PIP4K2B: variants seen among roughly 807,000 people sequenced by gnomAD.
The protein encoded by PIP4K2B is phosphatidylinositol 5-phosphate 4-kinase type-2 beta.
A neutral mutation model predicts 42.0 loss-of-function variants in PIP4K2B; 3 were observed. That is an observed-to-expected ratio of 0.07 (90% CI 0.03 to 0.18). PIP4K2B has a LOEUF of 0.18. Among genes scored for constraint, PIP4K2B ranks in the 10% least tolerant of loss-of-function variants. The pLI is 1.00. For missense variants in PIP4K2B, 332 were observed against 562.3 expected, an observed-to-expected ratio of 0.59 and a Z score of 4.14; for synonymous variants, 204 against 210.1, an observed-to-expected ratio of 0.97 and a Z score of 0.25.
intron 5 of PIP4K2B, 142 bp from the exon 6 acceptor site, chr17:38,778,514 T>C (rs1909495657): frequency 2.6e-6 from 2 of 783,030 alleles, no homozygotes; most frequent in South Asian, 2.7e-5. Context: ...GTTCATTTAC[T>C]GTGTCAAGCC....
chr17:38,791,284 TACAA>T (rs1358517439), intron 1 of PIP4K2B, among the ~76,000 whole-genome samples: 1 of 152,062 alleles, frequency 6.6e-6, no homozygotes, highest in African/African-American at 2.4e-5. Flanking sequence ...TAGGAGAATC[TACAA>T]GATCATGCTA....
intron 7 of PIP4K2B, 60 bp from the exon 8 acceptor site, chr17:38,771,332 G>A (rs1190210066): frequency 3.8e-6 from 6 of 1,583,894 alleles, no homozygotes; most frequent in Non-Finnish European, 5.2e-6. Flanking sequence ...ACATCCCAGT[G>A]ACATCCAGAA....
At chr17:38,778,671 T>C (rs907601619) in intron 5 of PIP4K2B, among the ~76,000 whole-genome samples, 4 of 150,974 alleles carry the variant, frequency 2.6e-5, no homozygotes, top group African/African-American at 9.7e-5. Context: ...CATTAGTTCA[T>C]TCACTACCAC....
At chr17:38,775,160 A>C (rs548221102) in intron 7 of PIP4K2B, among the ~76,000 whole-genome samples, 1 of 152,126 alleles carries the variant, frequency 6.6e-6, no homozygotes, top group East Asian at 2.0e-4. Flanking sequence ...TCACCGTGTT[A>C]GCCAGGATGG....
chr17:38,783,470 C>T (rs1176617354), intron 3 of PIP4K2B, among the ~76,000 whole-genome samples: 1 of 152,184 alleles, frequency 6.6e-6, no homozygotes, highest in Non-Finnish European at 1.5e-5. Context: ...ACTCCCACCA[C>T]CAGGATAGGG....
Position 38,799,315 on chromosome 17 carries a change from C to G in PIP4K2B, c.110G>C (p.Arg37Pro), listed in dbSNP as rs1910829050. ...GACGCTGAGGATCGGCTCGCTGGCC[C>G]GGAATAGCTTCACTTTCTGGCACAC... ...HFVCQKVKLF[R>P]ASEPILSVLM... Residue 37 changes from arginine to proline, a missense_variant, in exon 1 of 10, where the codon CGG (arginine) becomes CCG (proline). Physicochemically the swap from Arg to Pro is moderately radical, Grantham distance 103. Transcript: ENST00000619039. The surrounding 1 kb of genome is among the most constrained non-coding windows in gnomAD (Gnocchi z 4.4). 6.2e-7 allele frequency: 1 copy of G among 1,607,850 alleles called. No homozygotes were observed. Among genetic ancestry groups the G allele is most frequent in the Non-Finnish European group, 8.5e-7 (1 of 1,177,624 alleles).
intron 4 of PIP4K2B, among the ~76,000 whole-genome samples, chr17:38,780,201 G>A (rs2143390386): frequency 6.6e-6 from 1 of 152,346 alleles, no homozygotes; most frequent in South Asian, 2.1e-4. Flanking sequence ...AAGAAACGGG[G>A]CGGATGCCAG....
intron 7 of PIP4K2B, among the ~76,000 whole-genome samples, chr17:38,774,572 T>C (rs907366336): frequency 1.3e-5 from 2 of 151,830 alleles, no homozygotes; most frequent in Non-Finnish European, 2.9e-5. Context: ...ATCAAGACCA[T>C]CCTGGCTAAC....
Position 38,799,153 on chromosome 17 carries a change from T to C in PIP4K2B, c.159+113A>G, listed in dbSNP as rs1038280448. The stretch of plus-strand genomic sequence containing the variant: ...GGGTGGGGTGGGCGTGCAAGTGGCT[T>C]GGCGAGGGGTGGCAGGCGTCACCGG... On this transcript the variant is annotated intron_variant, in intron 1 of 9. Coordinates refer to ENST00000619039, the MANE Select transcript of PIP4K2B (RefSeq NM_003559.5). The surrounding 1 kb of genome is among the most constrained non-coding windows in gnomAD (Gnocchi z 4.4). The C allele has an allele frequency of 2.6e-5, 30 of 1,163,228 alleles. No homozygotes were observed. The highest frequency in any genetic ancestry group is 3.3e-5 in the Non-Finnish European group (29 of 870,728). 72.1% of individuals were successfully genotyped at this position (1,163,228 alleles called of 1,614,324 possible).
At position 38,771,240 on chromosome 17, in the gene PIP4K2B, G is replaced by C; in HGVS notation, c.840C>G (p.Ser280Arg). Residue 280 changes from serine (S) to arginine (R), a missense_variant, in exon 8 of 10, where the codon AGC becomes AGG. Around this residue, in one of 6 missense-constraint regions of PIP4K2B, gnomAD observed 15 missense variants for 45.2 expected, o/e 0.33. Transcript: ENST00000619039. ...CCACGTCGTGGATGCCCACCAGCAG[G>C]CTGTAGTCCATGATCTTCAGCTGTG... ...FLAQLKIMDY[S>R]LLVGIHDVDR... 1 of 1,614,150 alleles carries C rather than the reference G, an allele frequency of 6.2e-7. No individual in the cohort carries two copies. Among genetic ancestry groups the C allele is most frequent in the Non-Finnish European group, 8.5e-7 (1 of 1,180,030 alleles).
At chr17:38,779,307 TG>T (rs1483000336) in intron 5 of PIP4K2B, 75 bp downstream of exon 5, 1 of 1,380,164 alleles carries the variant, frequency 7.2e-7, no homozygotes, top group African/African-American at 1.4e-5. Context: ...CCCAATTACA[TG>T]GAAGTTGGAG....
chr17:38,799,156 C>T lies in PIP4K2B; in HGVS notation c.159+110G>A. ...TGGGGTGGGCGTGCAAGTGGCTTGG[C>T]GAGGGGTGGCAGGCGTCACCGGCAG... On this transcript the variant is annotated intron_variant, in intron 1 of 9. Coordinates refer to ENST00000619039, the MANE Select transcript of PIP4K2B (RefSeq NM_003559.5). This position sits in a 1 kb window ranked among gnomAD's most constrained non-coding sequence, Gnocchi z 4.4. 1 of 1,194,878 alleles carries T rather than the reference C, an allele frequency of 8.4e-7. No homozygotes were observed. The allele number at this position is 1,194,878 out of a possible 1,614,324, so 74.0% of individuals were successfully genotyped here.
In PIP4K2B at chr17:38,786,709, G is replaced by A. The variant is rs1056169093; in HGVS notation, c.257+114C>T. 5 of 747,608 alleles carry A rather than the reference G, an allele frequency of 6.7e-6. No homozygotes were observed. The African/African-American group carries it at 6.9e-5, about 10-fold the overall frequency. 46.3% of individuals were successfully genotyped at this position (747,608 alleles called of 1,614,324 possible). A position where few individuals can be genotyped will look rare whatever the true frequency, so the allele number is the denominator to read the frequency against. ...TCCGCTCTGAGATCCAGGTGCTGCTGTCACACCCTGCCAGGTGCTGCCTTG... is the reference window on the plus strand; with the variant it reads ...TCCGCTCTGAGATCCAGGTGCTGCTATCACACCCTGCCAGGTGCTGCCTTG... On this transcript the variant is annotated intron_variant, in intron 2 of 9. Coordinates refer to ENST00000619039, the MANE Select transcript of PIP4K2B (RefSeq NM_003559.5).
Position 38,767,524 on chromosome 17 carries a change from C to T in PIP4K2B, c.*2167G>A, listed in dbSNP as rs1908765898. On this transcript the variant is annotated 3_prime_UTR_variant, in exon 10 of 10. Coordinates refer to ENST00000619039, the MANE Select transcript of PIP4K2B (RefSeq NM_003559.5). ...GTAAACAATATACAAAACACACAAA[C>T]ATACACACACACACACAAACTCAAT... is the stretch of plus-strand genomic sequence containing the variant. 1 of 152,258 alleles carries T rather than the reference C, an allele frequency of 6.6e-6. No homozygotes were observed. Among genetic ancestry groups the T allele is most frequent in the Non-Finnish European group, 1.5e-5 (1 of 68,032 alleles). 9.4% of individuals were successfully genotyped at this position (152,258 alleles called of 1,614,324 possible).
rs1255066461 is a variant in PIP4K2B at position 38,790,939 on chromosome 17, T to C, written c.160-4019A>G. 2.6e-5 allele frequency among the ~76,000 whole-genome samples: 4 copies of C among 152,306 alleles called. No individual in the cohort carries two copies. In the South Asian group the frequency reaches 6.2e-4, roughly 24 times the overall value. On this transcript the variant is annotated intron_variant, in intron 1 of 9. Coordinates refer to ENST00000619039, the MANE Select transcript of PIP4K2B (RefSeq NM_003559.5). ...CCCAGAGAGTTCTATTCCATTTCAATTGAACTGTTCCTATTGAAATATCTG... is the reference window on the plus strand; with the variant it reads ...CCCAGAGAGTTCTATTCCATTTCAACTGAACTGTTCCTATTGAAATATCTG...
In PIP4K2B at chr17:38,799,525, C is replaced by A; in HGVS notation, c.-101G>T. On this transcript the variant is annotated 5_prime_UTR_variant, in exon 1 of 10. Coordinates refer to ENST00000619039, the MANE Select transcript of PIP4K2B (RefSeq NM_003559.5). This position sits in a 1 kb window ranked among gnomAD's most constrained non-coding sequence, Gnocchi z 4.4. ...CCCGGACCGATCCCCACCCCCGCTC[C>A]CTCACCGCGCCATGGTCGCGCCCGT... 7.5e-7 allele frequency: 1 copy of A among 1,336,880 alleles called. No individual in the cohort carries two copies. The allele number at this position is 1,336,880 out of a possible 1,614,324, so 82.8% of individuals were successfully genotyped here. A position where few individuals can be genotyped will look rare whatever the true frequency, so the allele number is the denominator to read the frequency against.
intron 1 of PIP4K2B, among the ~76,000 whole-genome samples, chr17:38,795,116 A>G (rs1296316067): frequency 6.0e-5 from 9 of 150,778 alleles, no homozygotes; most frequent in Admixed American, 1.3e-4. Context: ...AAAAAAAAAA[A>G]AAAAAAAAGA....
intron 7 of PIP4K2B, chr17:38,776,754 A>G (rs77825005): frequency 0.011 from 3,583 of 339,556 alleles, 128 homozygotes; most frequent in African/African-American, 0.07. Context: ...CAGCCTCTCA[A>G]TTTATTAAAA....
Position 38,766,618 on chromosome 17 carries a change from G to A in PIP4K2B, c.*3073C>T, listed in dbSNP as rs1908719658. 6.5e-6 allele frequency: 1 copy of A among 152,688 alleles called. No homozygotes were observed. Among genetic ancestry groups the A allele is most frequent in the African/African-American group, 2.4e-5 (1 of 41,456 alleles). The allele number at this position is 152,688 out of a possible 1,614,324, so 9.5% of individuals were successfully genotyped here. A position where few individuals can be genotyped will look rare whatever the true frequency, so the allele number is the denominator to read the frequency against. ...GGAGAGGGGATAAAGAGCTGCCTGT[G>A]GTGGGAACTTAAGAGACTGCCACTG... On this transcript the variant is annotated 3_prime_UTR_variant, in exon 10 of 10. Transcript: ENST00000619039.
Sources: gnomAD v4.1 joint callset for allele counts (sites outside exome capture counted in the v4.1 genomes callset) on GRCh38, gnomAD v4.1.1 for gene constraint, gnomAD v4.1.1 regional missense constraint, Gnocchi (gnomAD v3.1) non-coding constraint, MANE v1.5 for transcripts, NCBI Gene and HGNC (gene_info 2026-07-23, HGNC 2026-07-21) for gene names.